GPC5: variants seen among roughly 807,000 people sequenced by gnomAD.
GPC5 encodes the protein glypican-5.
A neutral mutation model predicts 53.9 loss-of-function variants in GPC5; 47 were observed. The ratio of observed to expected loss-of-function variants is 0.87; its 90% CI spans 0.69 to 1.11. GPC5 has a LOEUF of 1.11. Among genes scored for constraint, GPC5 ranks in the 50% most tolerant of loss-of-function variants. The probability of loss-of-function intolerance (pLI) is 0.00; values close to 1 mark genes in which losing one functional copy is unlikely to be tolerated. For synonymous variants in GPC5, 286 were observed against 263.3 expected (o/e 1.09, Z -0.84); for missense variants, 748 against 713.1 (o/e 1.05, Z -0.56).
chr13:91,972,496 T>C lies in GPC5; in HGVS notation c.1401+64439T>C, dbSNP rs9583977. Among the ~76,000 whole-genome samples the C allele has an allele frequency of 1.6e-3, 244 of 152,350 alleles. 1 individual carries two copies. Among genetic ancestry groups the C allele is most frequent in the African/African-American group, 5.5e-3 (228 of 41,586 alleles). ...AAGTTAATATTGTTATGTGTGAATT[T>C]GATCCTGTCATTATGATGTTAGCTG... On this transcript the variant is annotated intron_variant, in intron 6 of 7. Transcript: ENST00000377067.
At chr13:91,819,148 G>A (rs1157905159) in intron 5 of GPC5, among the ~76,000 whole-genome samples, 1 of 124,718 alleles carries the variant, frequency 8.0e-6, no homozygotes, top group African/African-American at 2.9e-5. Flanking sequence ...AAAAAAATAT[G>A]CGCTTTTTTT....
At chr13:92,467,219 T>C (rs1594226893) in intron 7 of GPC5, among the ~76,000 whole-genome samples, 1 of 152,244 alleles carries the variant, frequency 6.6e-6, no homozygotes, top group East Asian at 1.9e-4. Flanking sequence ...CACCTTTTTC[T>C]TCGGAGCTTT....
intron 7 of GPC5, among the ~76,000 whole-genome samples, chr13:92,663,842 T>G (rs1886456345): frequency 1.0e-5 from 1 of 96,720 alleles, no homozygotes; most frequent in Non-Finnish European, 2.4e-5. Flanking sequence ...ACTATATATA[T>G]ATACACACAC....
chr13:92,709,053 T>G lies in GPC5; in HGVS notation c.1562-157229T>G, dbSNP rs563216651. On this transcript the variant is annotated intron_variant, in intron 7 of 7. Transcript: ENST00000377067. Reference sequence around the variant, plus strand: ...ACCCACCACCATCTGGCTAATTTTTTTTGTTGTTGTTGAGACAGTGTTTCG... The same window carrying G: ...ACCCACCACCATCTGGCTAATTTTTGTTGTTGTTGTTGAGACAGTGTTTCG... Among the ~76,000 whole-genome samples the G allele has an allele frequency of 1.2e-3, 176 of 151,020 alleles. 1 individual carries two copies. Among genetic ancestry groups the G allele is most frequent in the African/African-American group, 3.8e-3 (155 of 41,110 alleles).
chr13:92,312,607 C>T (rs1158351325), intron 7 of GPC5, among the ~76,000 whole-genome samples: 1 of 152,042 alleles, frequency 6.6e-6, no homozygotes, highest in Non-Finnish European at 1.5e-5. Context: ...GAATGAAATC[C>T]ATCAAGTCTT....
At chr13:92,072,349 C>G (rs1160496659) in intron 6 of GPC5, among the ~76,000 whole-genome samples, 3 of 151,386 alleles carry the variant, frequency 2.0e-5, no homozygotes, top group Non-Finnish European at 4.4e-5. Flanking sequence ...TCACTGCAAC[C>G]TCTGCCTGCT....
At chr13:92,771,555 G>A (rs1875616646) in intron 7 of GPC5, among the ~76,000 whole-genome samples, 1 of 151,998 alleles carries the variant, frequency 6.6e-6, no homozygotes, top group South Asian at 2.1e-4. Flanking sequence ...ATCTTAGCCA[G>A]GCTGGTCTTG....
rs71202559 is a variant in GPC5, at chr13:92,748,311, TTTATTATTATTATTA to T, written c.1562-117947_1562-117933del. 1.7e-3 allele frequency among the ~76,000 whole-genome samples: 248 copies of T among 142,348 alleles called. 8 individuals are homozygous for T. The South Asian group carries it at 0.05, about 29-fold the overall frequency. The allele number at this position is 142,348 out of a possible 152,430, so 93.4% of individuals were successfully genotyped here. A position where few individuals can be genotyped will look rare whatever the true frequency, so the allele number is the denominator to read the frequency against. The stretch of plus-strand genomic sequence containing the variant: ...GGAGAAACTGACATCTGCATTTTAT[TTTATTATTATTATTA>T]TTATTATTATTATTATTATTATTTT... On this transcript the variant is annotated intron_variant, in intron 7 of 7. Transcript: ENST00000377067.
intron 7 of GPC5, among the ~76,000 whole-genome samples, chr13:92,824,245 A>G (rs1383877759): frequency 1.3e-5 from 2 of 152,000 alleles, no homozygotes; most frequent in African/African-American, 4.8e-5. Context: ...ACCCCTGTAT[A>G]CAAAACCGCC....
intron 6 of GPC5, among the ~76,000 whole-genome samples, chr13:91,933,418 TA>T (rs2039840404): frequency 6.6e-6 from 1 of 152,008 alleles, no homozygotes; most frequent in Non-Finnish European, 1.5e-5. Context: ...TAGCCAGAAG[TA>T]ATCACTGCAT....
chr13:92,422,488 TCACACACACACACACACACACA>T (rs6145177), intron 7 of GPC5, among the ~76,000 whole-genome samples: 24 of 133,386 alleles, frequency 1.8e-4, no homozygotes, highest in African/African-American at 5.5e-4. Context: ...CATCACCATC[TCACACACACACACACACACACA>T]CACACACACA....
intron 6 of GPC5, among the ~76,000 whole-genome samples, chr13:92,127,409 T>C (rs961461240): frequency 6.6e-6 from 1 of 152,206 alleles, no homozygotes; most frequent in African/African-American, 2.4e-5. Flanking sequence ...ATTGAACTTA[T>C]ACAGGGTAAA....
intron 5 of GPC5, among the ~76,000 whole-genome samples, chr13:91,825,224 T>A (rs2038558434): frequency 6.6e-6 from 1 of 151,972 alleles, no homozygotes; most frequent in Non-Finnish European, 1.5e-5. Flanking sequence ...TGGCTATAAT[T>A]GATTTTTATT....
chr13:92,795,187 A>T (rs1876622408), intron 7 of GPC5, among the ~76,000 whole-genome samples: 1 of 152,148 alleles, frequency 6.6e-6, no homozygotes, highest in Non-Finnish European at 1.5e-5. Flanking sequence ...CAAAACAGAT[A>T]TATAGACCAA....
At chr13:91,829,764 G>A (rs1247690467) in intron 5 of GPC5, among the ~76,000 whole-genome samples, 2 of 152,010 alleles carry the variant, frequency 1.3e-5, no homozygotes, top group Non-Finnish European at 2.9e-5. Flanking sequence ...TCACATGTCG[G>A]TAGGTTCCGT....
chr13:91,539,755 A>T (rs2029867717), intron 2 of GPC5, among the ~76,000 whole-genome samples: 1 of 152,188 alleles, frequency 6.6e-6, no homozygotes, highest in Non-Finnish European at 1.5e-5. Flanking sequence ...ATAATAAAAG[A>T]TACAATCCAT....
rs1387394772 is a variant in GPC5 at position 92,723,623 on chromosome 13, GT to G, written c.1562-142658del. Among the ~76,000 whole-genome samples the G allele has an allele frequency of 3.3e-5, 5 of 151,762 alleles. No individual in the cohort carries two copies. The East Asian group carries it at 9.7e-4, about 29-fold the overall frequency. On this transcript the variant is annotated intron_variant, in intron 7 of 7. Coordinates refer to ENST00000377067, the MANE Select transcript of GPC5 (RefSeq NM_004466.6). ...CTTAATTTCACAATATATCCTTATA[GT>G]AAAAAGTCTCCATATTTATTTTTCC...
chr13:91,805,325 G>A (rs1434993613), intron 5 of GPC5, among the ~76,000 whole-genome samples: 1 of 152,094 alleles, frequency 6.6e-6, no homozygotes, highest in Non-Finnish European at 1.5e-5. Flanking sequence ...AAGAAGCTTT[G>A]CTGTTTCTTT....
chr13:91,506,131 A>T (rs1884926911), intron 2 of GPC5, among the ~76,000 whole-genome samples: 1 of 152,170 alleles, frequency 6.6e-6, no homozygotes, highest in East Asian at 1.9e-4. Flanking sequence ...GAGAGTAAAT[A>T]AGTAGCCTAT....
Sources: allele counts gnomAD v4.1 joint callset (sites outside exome capture counted in the v4.1 genomes callset), GRCh38; gene constraint gnomAD v4.1.1; transcripts MANE v1.5; gene names NCBI Gene and HGNC (gene_info 2026-07-23, HGNC 2026-07-21).